The following SBF2 variants were observed in gnomAD, a reference collection of about 807,000 sequenced individuals.
SBF2 encodes SET binding factor 2, also known as myotubularin-related protein 13.
SBF2 carries 112 observed loss-of-function variants against 225.2 expected under a neutral mutation model. That is an observed-to-expected ratio of 0.50 (90% CI 0.43 to 0.58). The LOEUF (loss-of-function observed/expected upper bound fraction) is 0.58, where lower values mean the gene tolerates loss of function less well. Ranked by LOEUF, SBF2 falls within the 20% of genes least tolerant of loss-of-function variation. The pLI is 0.00. For missense variants in SBF2, 1,996 were observed against 2,206.2 expected (o/e 0.90, Z 1.91); for synonymous variants, 763 against 773.3 (o/e 0.99, Z 0.22).
At chr11:9,868,903 G>C (rs1858475730) in intron 17 of SBF2, among the ~76,000 whole-genome samples, 1 of 152,188 alleles carries the variant, frequency 6.6e-6, no homozygotes, top group East Asian at 1.9e-4. Flanking sequence ...GGGCACATCT[G>C]TTTGTCTCTC....
At chr11:10,227,879 G>C (rs1591262172) in intron 1 of SBF2, among the ~76,000 whole-genome samples, 2 of 151,510 alleles carry the variant, frequency 1.3e-5, no homozygotes, top group South Asian at 2.1e-4. Flanking sequence ...TAGCTTGATG[G>C]GGATGGCATT....
At position 9,989,592 on chromosome 11, in the gene SBF2, C is replaced by T; in HGVS notation, c.1300G>A (p.Val434Ile). Residue 434 changes from valine to isoleucine, a missense_variant, in exon 13 of 40, where the codon GTA (valine) becomes ATA (isoleucine). Transcript: ENST00000256190. ...YRSCDLFDEL[V>I]AFEVERIKVE... Reference sequence around the variant, plus strand: ...TTAATTCTCTCTACTTCAAAGGCTACCAACTAGGAAAAAGAATCAAATGGC... The same window carrying T: ...TTAATTCTCTCTACTTCAAAGGCTATCAACTAGGAAAAAGAATCAAATGGC... 1 of 1,573,702 alleles carries T rather than the reference C, an allele frequency of 6.4e-7. No homozygotes were observed. Among genetic ancestry groups the T allele is most frequent in the East Asian group, 2.2e-5 (1 of 44,540 alleles).
intron 2 of SBF2, among the ~76,000 whole-genome samples, chr11:10,183,063 GC>G (rs1053604723): frequency 1.3e-5 from 2 of 152,098 alleles, no homozygotes; most frequent in African/African-American, 4.8e-5. Flanking sequence ...GAGCCACTGT[GC>G]CTGGCCAGTT....
intron 2 of SBF2, among the ~76,000 whole-genome samples, chr11:10,192,472 C>G (rs1434542008): frequency 6.6e-6 from 1 of 152,064 alleles, no homozygotes; most frequent in Non-Finnish European, 1.5e-5. Context: ...TGATCCATGC[C>G]AACAAGAGAA....
At chr11:9,933,313 T>C (rs1864639212) in intron 16 of SBF2, among the ~76,000 whole-genome samples, 1 of 152,198 alleles carries the variant, frequency 6.6e-6, no homozygotes, top group Non-Finnish European at 1.5e-5. Flanking sequence ...GTGGACCTAA[T>C]GGACATCTAC....
At chr11:10,056,154 T>C (rs1252451260) in intron 2 of SBF2, among the ~76,000 whole-genome samples, 2 of 152,246 alleles carry the variant, frequency 1.3e-5, no homozygotes, top group East Asian at 3.8e-4. Flanking sequence ...CCTTGCACTA[T>C]AGTTTGAAGT....
intron 16 of SBF2, among the ~76,000 whole-genome samples, chr11:9,939,234 T>C (rs1282472661): frequency 6.6e-6 from 1 of 152,146 alleles, no homozygotes; most frequent in African/African-American, 2.4e-5. Context: ...TAGCTGGGAT[T>C]ACAGGCACCT....
rs181804944 is a variant in SBF2 at position 10,110,351 on chromosome 11, C to T, written c.142-67370G>A. 3.0e-3 allele frequency among the ~76,000 whole-genome samples: 449 copies of T among 151,902 alleles called. 4 individuals carry two copies. Among genetic ancestry groups the T allele is most frequent in the African/African-American group, 0.011 (436 of 41,480 alleles). On this transcript the variant is annotated intron_variant, in intron 2 of 39. Transcript: ENST00000256190. Reference sequence around the variant, plus strand: ...TCAACTTAACATCATTTTTATAATCCTCCATTTTTCTCGGTATTCAGTAGC... The same window carrying T: ...TCAACTTAACATCATTTTTATAATCTTCCATTTTTCTCGGTATTCAGTAGC...
intron 1 of SBF2, among the ~76,000 whole-genome samples, chr11:10,210,645 T>C (rs1002222220): frequency 1.3e-5 from 2 of 152,160 alleles, no homozygotes; most frequent in Non-Finnish European, 2.9e-5. Context: ...AACCATCTGT[T>C]AACCAAGAAC....
chr11:10,228,855 TC>T (rs1381347349), intron 1 of SBF2, among the ~76,000 whole-genome samples: 1 of 151,974 alleles, frequency 6.6e-6, no homozygotes, highest in East Asian at 1.9e-4. Context: ...GAGGATTCCC[TC>T]TTTTTCCATT....
chr11:10,048,498 C>T (rs566967886), intron 2 of SBF2, among the ~76,000 whole-genome samples: 1 of 152,136 alleles, frequency 6.6e-6, no homozygotes, highest in East Asian at 1.9e-4. Flanking sequence ...TTGAAAAGGC[C>T]CTTGATGAGG....
intron 28 of SBF2, chr11:9,828,662 T>C (rs996522757): frequency 2.0e-6 from 2 of 984,696 alleles, no homozygotes; most frequent in African/African-American, 1.7e-5. Flanking sequence ...CAAGTCTTAA[T>C]GGCTTCATCC....
intron 1 of SBF2, among the ~76,000 whole-genome samples, chr11:10,277,565 T>C (rs1963058598): frequency 6.6e-6 from 1 of 152,174 alleles, no homozygotes; most frequent in Non-Finnish European, 1.5e-5. Flanking sequence ...TGTCCAAAAA[T>C]TCACGTCCAT....
chr11:10,195,248 T>C (rs1198339648), intron 1 of SBF2, among the ~76,000 whole-genome samples: 1 of 152,192 alleles, frequency 6.6e-6, no homozygotes, highest in Admixed American at 6.5e-5. Flanking sequence ...GATGTTACAA[T>C]GAAAAATGTC....
At chr11:10,092,389 T>C (rs190895985) in intron 2 of SBF2, among the ~76,000 whole-genome samples, 2 of 152,318 alleles carry the variant, frequency 1.3e-5, no homozygotes, top group South Asian at 2.1e-4. Context: ...ACTCTGTAAA[T>C]ATAAGGCCGA....
At chr11:9,943,159 T>C (rs1401192313) in intron 16 of SBF2, among the ~76,000 whole-genome samples, 2 of 152,206 alleles carry the variant, frequency 1.3e-5, no homozygotes, top group East Asian at 3.8e-4. Context: ...AAATAAATTC[T>C]TCTGGGGCAA....
chr11:9,901,851 G>A (rs2134155588), intron 16 of SBF2, among the ~76,000 whole-genome samples: 1 of 152,190 alleles, frequency 6.6e-6, no homozygotes, highest in African/African-American at 2.4e-5. Context: ...CACCTTACTG[G>A]CCAGGATGGA....
intron 26 of SBF2, among the ~76,000 whole-genome samples, chr11:9,837,720 A>C (rs902805991): frequency 6.7e-6 from 1 of 149,884 alleles, no homozygotes; most frequent in African/African-American, 2.5e-5. Context: ...TGTATATTAG[A>C]TTTGTCCCTT....
chr11:10,068,674 T>C (rs1950728536), intron 2 of SBF2, among the ~76,000 whole-genome samples: 1 of 152,190 alleles, frequency 6.6e-6, no homozygotes, highest in Admixed American at 6.5e-5. Context: ...AGTAAATATT[T>C]AATAAATAGT....
Sources: allele counts gnomAD v4.1 joint callset (sites outside exome capture counted in the v4.1 genomes callset), GRCh38; gene constraint gnomAD v4.1.1; transcripts MANE v1.5; gene names NCBI Gene and HGNC (gene_info 2026-07-23, HGNC 2026-07-21).